ASIC2: variants seen among roughly 807,000 people sequenced by gnomAD.
ASIC2 encodes acid sensing ion channel subunit 2.
In ASIC2, 25 loss-of-function variants were observed where a neutral mutation model predicts 57.3. That is an observed-to-expected ratio of 0.44 (90% confidence interval 0.32 to 0.61). The LOEUF (loss-of-function observed/expected upper bound fraction) is 0.61. Ranked by LOEUF, ASIC2 falls within the 20% of genes least tolerant of loss-of-function variation. The pLI is 0.06. For missense variants in ASIC2, 641 were observed against 738.1 expected, an observed-to-expected ratio of 0.87 and a Z score of 1.52; for synonymous variants, 319 against 307.5, an observed-to-expected ratio of 1.04 and a Z score of -0.39.
chr17:33,724,211 C>A (rs985516923), intron 1 of ASIC2, among the ~76,000 whole-genome samples: 1 of 152,166 alleles, frequency 6.6e-6, no homozygotes, highest in African/African-American at 2.4e-5. Flanking sequence ...ACCATGATTA[C>A]GAGGCCTCCC....
intron 1 of ASIC2, among the ~76,000 whole-genome samples, chr17:33,463,641 A>G (rs1031982106): frequency 7.2e-5 from 11 of 152,016 alleles, no homozygotes; most frequent in African/African-American, 2.7e-4. Flanking sequence ...CCAAAAAGGA[A>G]ACAACTGCGG....
At chr17:34,081,725 ACTT>A (rs1350630121) in intron 1 of ASIC2, among the ~76,000 whole-genome samples, 1 of 152,000 alleles carries the variant, frequency 6.6e-6, no homozygotes, top group African/African-American at 2.4e-5. Flanking sequence ...TCTTCTCAAA[ACTT>A]CTTCTGTCTT....
At chr17:33,862,102 T>C (rs927812382) in intron 1 of ASIC2, among the ~76,000 whole-genome samples, 1 of 152,204 alleles carries the variant, frequency 6.6e-6, no homozygotes, top group African/African-American at 2.4e-5. Context: ...CAGTATACTG[T>C]TCCTGTATTC....
chr17:33,395,915 G>A (rs1325983379), intron 1 of ASIC2, among the ~76,000 whole-genome samples: 8 of 152,194 alleles, frequency 5.3e-5, no homozygotes. Context: ...AGAACATTAG[G>A]TGGTGGGGAT....
chr17:33,020,515 C>T (rs16576), intron 7 of ASIC2, among the ~76,000 whole-genome samples: 24,234 of 152,010 alleles, frequency 0.16, 2,140 homozygotes, highest in East Asian at 0.4. Flanking sequence ...GAGAAGGGCT[C>T]TAGAGTCAAG....
At chr17:34,153,577 T>C (rs1904607262) in intron 1 of ASIC2, among the ~76,000 whole-genome samples, 1 of 152,218 alleles carries the variant, frequency 6.6e-6, no homozygotes, top group Non-Finnish European at 1.5e-5. Context: ...TTCCCTCTAG[T>C]AAAGGCTCAG....
intron 1 of ASIC2, chr17:33,623,667 A>T (rs1453101627): frequency 6.6e-6 from 1 of 152,134 alleles, no homozygotes; most frequent in East Asian, 1.9e-4. Flanking sequence ...TTTTTTCCAT[A>T]ACAGAACACT....
chr17:33,568,824 T>A (rs768159026), intron 1 of ASIC2, among the ~76,000 whole-genome samples: 49 of 152,332 alleles, frequency 3.2e-4, no homozygotes, highest in Middle Eastern at 3.4e-3. Flanking sequence ...GCCATATGGG[T>A]GTTCTTACAG....
intron 3 of ASIC2, among the ~76,000 whole-genome samples, chr17:33,029,574 G>GA (rs1250280235): frequency 6.6e-6 from 1 of 152,156 alleles, no homozygotes; most frequent in Non-Finnish European, 1.5e-5. Context: ...TGGTAATCAT[G>GA]AAAAAACTCC....
chr17:33,452,412 G>C (rs1912282875), intron 1 of ASIC2, among the ~76,000 whole-genome samples: 1 of 152,210 alleles, frequency 6.6e-6, no homozygotes, highest in Non-Finnish European at 1.5e-5. Flanking sequence ...GCATAGTCAG[G>C]AGTGCTTAGG....
At position 34,081,650 on chromosome 17, in the gene ASIC2, A is replaced by G. The variant is rs372682192; in HGVS notation, c.555+74328T>C. Among the ~76,000 whole-genome samples the G allele has an allele frequency of 2.0e-5, 3 of 152,296 alleles. No individual in the cohort carries two copies. In the East Asian group the frequency reaches 5.8e-4, roughly 29 times the overall value. ...CTCAAGTTCGTACTCTCAGCCCTTA[A>G]GGCTCTGCACAGAATTTCACAAATT... On this transcript the variant is annotated intron_variant, in intron 1 of 9. Coordinates refer to the ASIC2 transcript ENST00000359872.
At chr17:33,163,796 G>T (rs560463019) in intron 1 of ASIC2, among the ~76,000 whole-genome samples, 29 of 152,270 alleles carry the variant, frequency 1.9e-4, no homozygotes, top group Admixed American at 1.4e-3. Context: ...CCAAGACAAG[G>T]ATGGGGACCA....
intron 1 of ASIC2, chr17:33,534,606 C>T (rs959430337): frequency 1.3e-5 from 2 of 152,180 alleles, no homozygotes; most frequent in African/African-American, 4.8e-5. Context: ...TTCATCCTCC[C>T]AGCAAGCTTG....
chr17:33,031,048 C>A (rs754996968), intron 3 of ASIC2, among the ~76,000 whole-genome samples: 2 of 152,068 alleles, frequency 1.3e-5, no homozygotes, highest in Non-Finnish European at 2.9e-5. Context: ...AGTGTTTCCT[C>A]TTTCTCAATT....
At chr17:33,662,487 G>T (rs927373752) in intron 1 of ASIC2, among the ~76,000 whole-genome samples, 2 of 57,832 alleles carry the variant, frequency 3.5e-5, no homozygotes, top group Non-Finnish European at 6.3e-5. Context: ...CAGGTGTGGT[G>T]GGGGGGGCAC....
chr17:33,329,977 C>G (rs1382983276), intron 1 of ASIC2, among the ~76,000 whole-genome samples: 1 of 152,152 alleles, frequency 6.6e-6, no homozygotes, highest in African/African-American at 2.4e-5. Context: ...AATGTGCATT[C>G]CTAGATATCC....
intron 1 of ASIC2, chr17:33,581,303 T>C: frequency 6.6e-6 from 1 of 152,326 alleles, no homozygotes; most frequent in Non-Finnish European, 1.5e-5. Context: ...TGCTCAGTCC[T>C]ACAGCTGCAT....
intron 1 of ASIC2, among the ~76,000 whole-genome samples, chr17:33,315,540 A>C (rs1232431601): frequency 6.6e-6 from 1 of 152,246 alleles, no homozygotes; most frequent in African/African-American, 2.4e-5. Context: ...AGAATAACTG[A>C]GTTCGGAGCT....
chr17:33,483,350 T>G (rs1913473902), intron 1 of ASIC2, among the ~76,000 whole-genome samples: 1 of 152,266 alleles, frequency 6.6e-6, no homozygotes, highest in Non-Finnish European at 1.5e-5. Flanking sequence ...ACATCTGGAC[T>G]GCTTCCGAAG....
Sources: allele counts gnomAD v4.1 joint callset (sites outside exome capture counted in the v4.1 genomes callset), GRCh38; gene constraint gnomAD v4.1.1; transcripts MANE v1.5; gene names NCBI Gene and HGNC (gene_info 2026-07-23, HGNC 2026-07-21).